The following SHC3 variants were observed in gnomAD, a reference collection of about 807,000 sequenced individuals.
SHC3 encodes SHC-transforming protein 3.
Under a neutral mutation model 60.4 loss-of-function variants are expected in SHC3, and 15 were observed. The ratio of observed to expected loss-of-function variants is 0.25; its 90% CI spans 0.17 to 0.38. The LOEUF (loss-of-function observed/expected upper bound fraction) is 0.38, where lower values mean the gene tolerates loss of function less well. Among genes scored for constraint, SHC3 ranks in the 10% least tolerant of loss-of-function variants. SHC3 has a pLI of 1.00. For missense variants in SHC3, 677 were observed against 786.1 expected, an observed-to-expected ratio of 0.86 and a Z score of 1.66; for synonymous variants, 294 against 325.9, an observed-to-expected ratio of 0.90 and a Z score of 1.05.
chr9:89,013,695 G>A, intron 11 of SHC3, 120 bp from the exon 12 acceptor site: 1 of 1,403,520 alleles, frequency 7.1e-7, no homozygotes. Flanking sequence ...GGGGGGACAA[G>A]GGGCTTCCAC....
chr9:89,080,448 G>A (rs1825426128), intron 2 of SHC3, among the ~76,000 whole-genome samples: 1 of 152,016 alleles, frequency 6.6e-6, no homozygotes, highest in Non-Finnish European at 1.5e-5. Flanking sequence ...CTTCAGAACT[G>A]GACTCTTTGA....
chr9:89,049,696 G>A lies in SHC3; in HGVS notation c.962+2341C>T, dbSNP rs542934137. Among the ~76,000 whole-genome samples, 17 of 152,334 alleles carry A rather than the reference G, an allele frequency of 1.1e-4. No homozygotes were observed. In the South Asian group the frequency reaches 3.5e-3, roughly 32 times the overall value. On this transcript the variant is annotated intron_variant, in intron 7 of 11. Transcript: ENST00000375835. The stretch of plus-strand genomic sequence containing the variant: ...GCCTAAAGGTTTCTCTGTAAATCCT[G>A]AACTATACAAGTGGAGGTGTAAACA...
intron 11 of SHC3, among the ~76,000 whole-genome samples, chr9:89,018,432 A>C (rs138986255): frequency 1.6e-3 from 251 of 152,280 alleles, no homozygotes; most frequent in African/African-American, 5.7e-3. Flanking sequence ...ATAAGTGGGA[A>C]TTGAACAATG....
At chr9:89,035,859 GTGT>G (rs1329585201) in intron 11 of SHC3, among the ~76,000 whole-genome samples, 1,655 of 106,104 alleles carry the variant, frequency 0.016, 57 homozygotes, top group African/African-American at 0.061. Flanking sequence ...AGATGTGTGT[GTGT>G]GTGTGTGTGT....
intron 1 of SHC3, among the ~76,000 whole-genome samples, chr9:89,116,890 C>A (rs1362887868): frequency 6.6e-6 from 1 of 151,878 alleles, no homozygotes. Context: ...CAAGGAAATG[C>A]CACCATCACC....
intron 1 of SHC3, among the ~76,000 whole-genome samples, chr9:89,125,495 C>A (rs1826151071): frequency 6.6e-6 from 1 of 152,054 alleles, no homozygotes; most frequent in Admixed American, 6.6e-5. Flanking sequence ...GCGTTTGAAC[C>A]AGAGCAACTC....
At chr9:89,041,628 G>A (rs1280089475) in intron 10 of SHC3, among the ~76,000 whole-genome samples, 1 of 152,210 alleles carries the variant, frequency 6.6e-6, no homozygotes, top group Non-Finnish European at 1.5e-5. Context: ...ATGTTGGTCT[G>A]CTTCATAGAC....
At chr9:89,080,659 A>G (rs780510075) in intron 2 of SHC3, among the ~76,000 whole-genome samples, 9 of 151,946 alleles carry the variant, frequency 5.9e-5, no homozygotes, top group African/African-American at 1.5e-4. Context: ...CTTATATGCA[A>G]ATAAATTACA....
intron 5 of SHC3, among the ~76,000 whole-genome samples, chr9:89,069,212 G>A (rs1369123090): frequency 1.3e-5 from 2 of 152,150 alleles, no homozygotes; most frequent in African/African-American, 4.8e-5. Flanking sequence ...ATGAGGCTGA[G>A]GTGAGAGGAT....
chr9:89,091,587 C>G (rs561223590), intron 2 of SHC3, among the ~76,000 whole-genome samples: 7 of 152,322 alleles, frequency 4.6e-5, no homozygotes, highest in South Asian at 2.1e-4. Context: ...TGGATGCACT[C>G]TAATAAAACA....
At chr9:89,110,388 A>G in intron 2 of SHC3, 1 of 985,128 alleles carries the variant, frequency 1.0e-6, no homozygotes, top group Non-Finnish European at 1.2e-6. Flanking sequence ...CTTAATTAGG[A>G]CATTAGATTT....
chr9:89,066,410 G>A (rs1312405129), intron 5 of SHC3, among the ~76,000 whole-genome samples: 2 of 152,138 alleles, frequency 1.3e-5, no homozygotes, highest in East Asian at 3.8e-4. Context: ...TTAAAAATAT[G>A]AGCTCTATTG....
intron 1 of SHC3, among the ~76,000 whole-genome samples, chr9:89,170,972 A>G (rs1826860792): frequency 1.3e-5 from 2 of 152,224 alleles, no homozygotes; most frequent in South Asian, 4.1e-4. Flanking sequence ...TCAGATCTCA[A>G]GGGATGATTG....
At chr9:89,106,223 A>G (rs1424182436) in intron 2 of SHC3, among the ~76,000 whole-genome samples, 1 of 152,176 alleles carries the variant, frequency 6.6e-6, no homozygotes, top group Non-Finnish European at 1.5e-5. Flanking sequence ...AGCTCACCCT[A>G]CATCAACAGG....
intron 2 of SHC3, among the ~76,000 whole-genome samples, chr9:89,092,811 TC>T (rs1825645625): frequency 6.6e-6 from 1 of 151,850 alleles, no homozygotes; most frequent in African/African-American, 2.4e-5. Context: ...TTAACACTGG[TC>T]ATCTTTATCT....
intron 3 of SHC3, among the ~76,000 whole-genome samples, chr9:89,076,974 C>T (rs11137507): frequency 0.096 from 14,590 of 151,716 alleles, 745 homozygotes; most frequent in Middle Eastern, 0.12. Context: ...GTCAAGAGGT[C>T]GAGACCATCC....
At chr9:89,040,700 T>C (rs1230184695) in intron 10 of SHC3, among the ~76,000 whole-genome samples, 1 of 152,224 alleles carries the variant, frequency 6.6e-6, no homozygotes, top group Admixed American at 6.5e-5. Flanking sequence ...TCAAGCTGTT[T>C]TCACATTTTT....
chr9:89,047,094 T>C, intron 7 of SHC3, 100 bp from the exon 8 acceptor site: 1 of 1,286,160 alleles, frequency 7.8e-7, no homozygotes, highest in Non-Finnish European at 1.0e-6. Flanking sequence ...AAAGAGAGTT[T>C]AGTCAGTGCC....
At chr9:89,052,295 C>G in intron 6 of SHC3, 132 bp from the exon 7 acceptor site, 1 of 1,086,942 alleles carries the variant, frequency 9.2e-7, no homozygotes, top group Non-Finnish European at 1.3e-6. Context: ...CCTAGCAGAT[C>G]CAACCACAGC....
Sources: gnomAD v4.1 joint callset for allele counts (sites outside exome capture counted in the v4.1 genomes callset) on GRCh38, gnomAD v4.1.1 for gene constraint, MANE v1.5 for transcripts, NCBI Gene and HGNC (gene_info 2026-07-23, HGNC 2026-07-21) for gene names.